MAPT: variants seen among roughly 807,000 people sequenced by gnomAD.
The protein encoded by MAPT is microtubule-associated protein tau.
Under a neutral mutation model 67.9 loss-of-function variants are expected in MAPT, and 34 were observed. The ratio of observed to expected loss-of-function variants is 0.50; its 90% CI spans 0.38 to 0.67. The LOEUF (loss-of-function observed/expected upper bound fraction) is 0.67, where lower values mean the gene tolerates loss of function less well. MAPT is among the 30% of genes least tolerant of loss of function. The probability of loss-of-function intolerance (pLI) is 0.00; values close to 1 mark genes in which losing one functional copy is unlikely to be tolerated. For missense variants in MAPT, 881 were observed against 1,115.2 expected (o/e 0.79, Z 2.99); for synonymous variants, 456 against 464.5 (o/e 0.98, Z 0.23).
rs1433515721 is a variant in MAPT, at chr17:45,996,618, A to G, written c.1952A>G (p.Lys651Arg). Residue 651 changes from lysine to arginine, a missense_variant, in exon 9 of 13, where the codon AAG (lysine) becomes AGG (arginine). Transcript: ENST00000262410. This position sits in a 1 kb window ranked among gnomAD's most constrained non-coding sequence, Gnocchi z 4.5. Reference sequence around the variant, plus strand: ...CCAGACCTGAAGAATGTCAAGTCCAAGATCGGCTCCACTGAGAACCTGAAG... The same window carrying G: ...CCAGACCTGAAGAATGTCAAGTCCAGGATCGGCTCCACTGAGAACCTGAAG... ...PMPDLKNVKS[K>R]IGSTENLKHQ... 1.2e-6 allele frequency: 2 copies of G among 1,613,948 alleles called. No individual in the cohort carries two copies. The highest frequency in any genetic ancestry group is 1.1e-5 in the South Asian group (1 of 91,054).
intron 1 of MAPT, among the ~76,000 whole-genome samples, chr17:45,907,191 G>A (rs1321632436): frequency 2.0e-5 from 3 of 152,032 alleles, no homozygotes; most frequent in African/African-American, 7.2e-5. Context: ...CCTGCCCTGT[G>A]GCTCCTTCAT....
Position 45,962,515 on chromosome 17 carries a change from A to C in MAPT, c.133+45A>C, listed in dbSNP as rs201639461. 3.7e-6 allele frequency: 6 copies of C among 1,609,748 alleles called. No individual in the cohort carries two copies. The South Asian group carries it at 5.5e-5, about 15-fold the overall frequency. On this transcript the variant is annotated intron_variant, in intron 2 of 12. Transcript: ENST00000262410. ...CAGCAGGCCCAGATCACTGCAAGCCAAGGGGTGGCGGGAACAGTTTGCATC... is the reference window on the plus strand; with the variant it reads ...CAGCAGGCCCAGATCACTGCAAGCCCAGGGGTGGCGGGAACAGTTTGCATC...
chr17:46,006,879 C>T (rs1192856530), intron 9 of MAPT, among the ~76,000 whole-genome samples: 5 of 150,890 alleles, frequency 3.3e-5, no homozygotes, highest in African/African-American at 4.9e-5. Context: ...GCCGAGATCG[C>T]GCCACTGCAC....
At chr17:45,941,506 C>T (rs944532856) in intron 1 of MAPT, among the ~76,000 whole-genome samples, 4 of 151,916 alleles carry the variant, frequency 2.6e-5, no homozygotes, top group African/African-American at 9.7e-5. Context: ...AGAGTTTTGC[C>T]ATTTTCCAAG....
Position 45,983,323 on chromosome 17 carries a change from A to G in MAPT, c.744A>G (p.Thr248=). 6.2e-7 allele frequency: 1 copy of G among 1,601,884 alleles called. No homozygotes were observed. The highest frequency in any genetic ancestry group is 8.5e-7 in the Non-Finnish European group (1 of 1,174,800). ...PREATRQPSG[T]GPEDTEGGRH... The stretch of plus-strand genomic sequence containing the variant: ...AGGCCACACGCCAACCTTCGGGGAC[A>G]GGACCTGAGGACACAGAGGGCGGCC... Residue 248 remains threonine, a synonymous_variant, in exon 5 of 13, where the codon ACA becomes ACG. Transcript: ENST00000262410.
In MAPT at chr17:45,996,567, G is replaced by A. The variant is rs2074489092; in HGVS notation, c.1901G>A (p.Arg634His). ...PPKSPSSAKS[R>H]LQTAPVPMPD... is the part of the protein sequence containing the mutation. ...AAGTCGCCGTCTTCCGCCAAGAGCC[G>A]CCTGCAGACAGCCCCCGTGCCCATG... Residue 634 changes from arginine to histidine, a missense_variant, in exon 9 of 13, where the codon CGC becomes CAC. Transcript: ENST00000262410. This position sits in a 1 kb window ranked among gnomAD's most constrained non-coding sequence, Gnocchi z 4.5. 6.2e-7 allele frequency: 1 copy of A among 1,613,280 alleles called. No homozygotes were observed. Among genetic ancestry groups the A allele is most frequent in the Non-Finnish European group, 8.5e-7 (1 of 1,179,634 alleles).
Position 45,987,113 on chromosome 17 carries a change from C to T in MAPT, c.1407+18C>T, listed in dbSNP as rs957054703. On this transcript the variant is annotated intron_variant, in intron 6 of 12. Transcript: ENST00000262410. ...AAGCCAAGGTAAGCTGACGATGCCA[C>T]GGAGCTCTGCAGCTGGTCAAGTTTA... The T allele has an allele frequency of 4.3e-6, 7 of 1,613,248 alleles. No individual in the cohort carries two copies. Among genetic ancestry groups the T allele is most frequent in the South Asian group, 2.2e-5 (2 of 91,044 alleles).
At chr17:45,981,745 A>C (rs575294062) in intron 4 of MAPT, among the ~76,000 whole-genome samples, 1 of 152,300 alleles carries the variant, frequency 6.6e-6, no homozygotes, top group East Asian at 1.9e-4. Flanking sequence ...AAAGGGGAGC[A>C]GAAGTCAAGT....
At chr17:45,922,524 G>A (rs1187332795) in intron 1 of MAPT, among the ~76,000 whole-genome samples, 2 of 105,298 alleles carry the variant, frequency 1.9e-5, no homozygotes, top group African/African-American at 6.3e-5. Flanking sequence ...CACACAGAGT[G>A]GTCTTACAAG....
At chr17:45,941,839 C>G (rs953987437) in intron 1 of MAPT, among the ~76,000 whole-genome samples, 1 of 151,544 alleles carries the variant, frequency 6.6e-6, no homozygotes, top group African/African-American at 2.4e-5. Flanking sequence ...GGACATTTGG[C>G]ATTGAGAGAG....
At chr17:45,918,606 GGGAAA>G (rs1290725223) in intron 1 of MAPT, among the ~76,000 whole-genome samples, 3 of 152,200 alleles carry the variant, frequency 2.0e-5, no homozygotes, top group African/African-American at 7.2e-5. Context: ...TGAAGCAAAG[GGGAAA>G]CATGCCTGCT....
intron 9 of MAPT, chr17:45,999,246 C>A: frequency 6.3e-7 from 1 of 1,598,854 alleles, no homozygotes; most frequent in South Asian, 1.1e-5. Flanking sequence ...TCTGACCACA[C>A]TGAGCATGTG....
Position 45,989,976 on chromosome 17 carries a change from C to G in MAPT, c.1506C>G (p.Ser502=). The G allele has an allele frequency of 6.2e-7, 1 of 1,614,192 alleles. No homozygotes were observed. The change falls in exon 7 of 13, where the codon TCC becomes TCG. Residue 502 remains serine (S), a synonymous_variant. Transcript: ENST00000262410. ...PGSSDPLIQP[S]SPAVCPEPPS... is the part of the protein sequence containing the mutation. ...GCTCAGACCCTCTGATCCAACCCTC[C>G]AGCCCTGCTGTGTGCCCAGAGCCAC...
chr17:45,986,034 G>C lies in MAPT; in HGVS notation c.1352-1006G>C, dbSNP rs980844845. 3.7e-4 allele frequency among the ~76,000 whole-genome samples: 56 copies of C among 152,208 alleles called. 1 individual carries two copies. The highest frequency in any genetic ancestry group is 3.5e-3 in the Admixed American group (53 of 15,282). ...CAGTTTTCAGCAGTGACTGTCAAGAGAAGGAGAAGGGTGAGTTAGCGCTGA... is the reference window on the plus strand; with the variant it reads ...CAGTTTTCAGCAGTGACTGTCAAGACAAGGAGAAGGGTGAGTTAGCGCTGA... On this transcript the variant is annotated intron_variant, in intron 5 of 12. Transcript: ENST00000262410.
At chr17:46,003,018 A>G (rs755801382) in intron 9 of MAPT, among the ~76,000 whole-genome samples, 2 of 152,050 alleles carry the variant, frequency 1.3e-5, no homozygotes, top group Non-Finnish European at 2.9e-5. Flanking sequence ...TCCTGGGCTC[A>G]AGTGATCCTC....
At position 46,014,267 on chromosome 17, in the gene MAPT, G is replaced by T; in HGVS notation, c.2116G>T (p.Asp706Tyr). Reference sequence around the variant, plus strand: ...GGTGCAAATAGTCTACAAACCAGTTGACCTGAGCAAGGTGACCTCCAAGTG... The same window carrying T: ...GGTGCAAATAGTCTACAAACCAGTTTACCTGAGCAAGGTGACCTCCAAGTG... ...GSVQIVYKPV[D>Y]LSKVTSKCGS... The change falls in exon 11 of 13, where the codon GAC becomes TAC. Residue 706 changes from aspartate to tyrosine, a missense_variant. Physicochemically the swap from Asp to Tyr is radical, Grantham distance 160. This residue lies in a region of MAPT where 3 missense variants were observed against 27.8 expected (regional missense o/e 0.11). Coordinates refer to ENST00000262410, the MANE Select transcript of MAPT (RefSeq NM_001377265.1). 1 of 1,613,632 alleles carries T rather than the reference G, an allele frequency of 6.2e-7. No homozygotes were observed. Among genetic ancestry groups the T allele is most frequent in the South Asian group, 1.1e-5 (1 of 91,048 alleles).
At chr17:45,947,640 G>A (rs1462992664) in intron 1 of MAPT, among the ~76,000 whole-genome samples, 2 of 151,698 alleles carry the variant, frequency 1.3e-5, no homozygotes, top group African/African-American at 4.8e-5. Context: ...CACCCACCTC[G>A]GCCTCCCAGT....
At chr17:45,950,962 T>C (rs1257723335) in intron 1 of MAPT, among the ~76,000 whole-genome samples, 1 of 152,178 alleles carries the variant, frequency 6.6e-6, no homozygotes, top group African/African-American at 2.4e-5. Context: ...CGCACTCGGC[T>C]CCACACTTTT....
chr17:45,904,400 CAT>C (rs1342431123), intron 1 of MAPT, among the ~76,000 whole-genome samples: 4 of 78,016 alleles, frequency 5.1e-5, no homozygotes, highest in Admixed American at 4.0e-4. Context: ...TATATATACA[CAT>C]ATATATATAT....
Sources: gnomAD v4.1 joint callset for allele counts (sites outside exome capture counted in the v4.1 genomes callset) on GRCh38, gnomAD v4.1.1 for gene constraint, gnomAD v4.1.1 regional missense constraint, Gnocchi (gnomAD v3.1) non-coding constraint, MANE v1.5 for transcripts, NCBI Gene and HGNC (gene_info 2026-07-23, HGNC 2026-07-21) for gene names.